The following CYFIP2 variants were observed in gnomAD, a reference collection of about 807,000 sequenced individuals.
CYFIP2 encodes the protein cytoplasmic FMR1-interacting protein 2.
CYFIP2 carries 29 observed loss-of-function variants against 158.7 expected under a neutral mutation model. The observed-to-expected ratio is 0.18, with a 90% confidence interval of 0.14 to 0.25. CYFIP2 has a LOEUF of 0.25. Among genes scored for constraint, CYFIP2 ranks in the 10% least tolerant of loss-of-function variants. The probability of loss-of-function intolerance (pLI) is 1.00; values close to 1 mark genes in which losing one functional copy is unlikely to be tolerated. For synonymous variants in CYFIP2, 585 were observed against 617.6 expected (o/e 0.95, Z 0.78); for missense variants, 852 against 1,639.5 (o/e 0.52, Z 8.29).
chr5:157,314,319 G>T, intron 11 of CYFIP2, 25 bp from the exon 12 acceptor site: 1 of 1,610,606 alleles, frequency 6.2e-7, no homozygotes, highest in South Asian at 1.1e-5. Context: ...CATAGACCAT[G>T]AGTATGACAC....
At chr5:157,365,848 C>G (rs77865954) in intron 26 of CYFIP2, among the ~76,000 whole-genome samples, 1 of 143,856 alleles carries the variant, frequency 7.0e-6, no homozygotes, top group Non-Finnish European at 1.5e-5. Flanking sequence ...TTTTTATTAC[C>G]GAATCAGTTA....
At chr5:157,278,225 G>A (rs1756717695) in intron 1 of CYFIP2, among the ~76,000 whole-genome samples, 2 of 151,944 alleles carry the variant, frequency 1.3e-5, no homozygotes, top group South Asian at 4.1e-4. Flanking sequence ...TGTGTGTGCA[G>A]TATGTTTGTG....
At chr5:157,337,987 A>G (rs189473243) in intron 21 of CYFIP2, among the ~76,000 whole-genome samples, 19 of 152,342 alleles carry the variant, frequency 1.2e-4, no homozygotes, top group Admixed American at 1.2e-3. Context: ...CCCTCTCTGA[A>G]TGAGGGACCA....
At chr5:157,271,399 G>A (rs1421752026) in intron 1 of CYFIP2, 1 of 152,280 alleles carries the variant, frequency 6.6e-6, no homozygotes, top group Non-Finnish European at 1.5e-5. Context: ...TGCTGTTGTG[G>A]TTTTTTTAGT....
At chr5:157,372,046 T>C (rs1765041540) in intron 26 of CYFIP2, among the ~76,000 whole-genome samples, 2 of 152,214 alleles carry the variant, frequency 1.3e-5, no homozygotes, top group African/African-American at 4.8e-5. Context: ...TCCTGGGAGT[T>C]CTCCAAGGAG....
At chr5:157,374,311 T>A (rs1765264826) in intron 26 of CYFIP2, among the ~76,000 whole-genome samples, 1 of 152,178 alleles carries the variant, frequency 6.6e-6, no homozygotes, top group Non-Finnish European at 1.5e-5. Context: ...ACATTTCACC[T>A]CTTTTTAAAT....
At chr5:157,380,997 C>T (rs1766001273) in intron 26 of CYFIP2, among the ~76,000 whole-genome samples, 1 of 152,152 alleles carries the variant, frequency 6.6e-6, no homozygotes, top group Non-Finnish European at 1.5e-5. Context: ...GGCAGATCAC[C>T]TGAGGTCAGG....
intron 1 of CYFIP2, among the ~76,000 whole-genome samples, chr5:157,274,492 G>A (rs1228041293): frequency 6.6e-6 from 1 of 152,048 alleles, no homozygotes; most frequent in Non-Finnish European, 1.5e-5. Context: ...GCATATGTTA[G>A]TTCTGCTTTT....
chr5:157,297,531 C>T (rs113631971), intron 5 of CYFIP2, among the ~76,000 whole-genome samples: 33 of 152,326 alleles, frequency 2.2e-4, no homozygotes, highest in African/African-American at 7.9e-4. Flanking sequence ...TCACAAATTG[C>T]AGCTACTGTT....
At chr5:157,358,932 G>C in intron 23 of CYFIP2, 73 bp from the exon 24 acceptor site, 2 of 1,588,910 alleles carry the variant, frequency 1.3e-6, no homozygotes, top group Non-Finnish European at 1.7e-6. Flanking sequence ...TCTGTCAGCA[G>C]AACATCTGCC....
chr5:157,382,771 T>G, intron 27 of CYFIP2, 109 bp downstream of exon 27: 1 of 1,115,100 alleles, frequency 9.0e-7, no homozygotes, highest in Non-Finnish European at 1.3e-6. Flanking sequence ...GGTTAAAGCT[T>G]TGGACACCTA....
chr5:157,372,820 C>T (rs1414789054), intron 26 of CYFIP2, among the ~76,000 whole-genome samples: 4 of 152,156 alleles, frequency 2.6e-5, no homozygotes, highest in African/African-American at 7.2e-5. Flanking sequence ...CCTTAGAGAA[C>T]ACCTCTGGCA....
intron 2 of CYFIP2, among the ~76,000 whole-genome samples, chr5:157,286,552 G>GTATATATATATATATATATA (rs34826918): frequency 7.2e-5 from 10 of 138,116 alleles, no homozygotes; most frequent in African/African-American, 2.7e-4. Flanking sequence ...GCTATTTTAT[G>GTATATATATATATATATATA]TATATATATA....
At chr5:157,307,992 T>G (rs1759387498) in intron 9 of CYFIP2, 127 bp downstream of exon 9, 2 of 610,248 alleles carry the variant, frequency 3.3e-6, no homozygotes, top group African/African-American at 3.7e-5. Flanking sequence ...GCTCCAAAGA[T>G]CCCAAGAGTA....
intron 30 of CYFIP2, among the ~76,000 whole-genome samples, chr5:157,391,161 A>G (rs1364879065): frequency 6.6e-6 from 1 of 152,082 alleles, no homozygotes; most frequent in Non-Finnish European, 1.5e-5. Context: ...CAAAGGTGGT[A>G]TGGGGCGGGT....
At chr5:157,339,286 G>A (rs925920018) in intron 22 of CYFIP2, 30 bp downstream of exon 22, 29 of 1,594,722 alleles carry the variant, frequency 1.8e-5, no homozygotes, top group Non-Finnish European at 2.5e-5. Context: ...GAGGGGGCCG[G>A]GTGGGGGTTG....
Position 157,305,998 on chromosome 5 carries a change from T to C in CYFIP2, c.795+1632T>C, listed in dbSNP as rs148286562. Among the ~76,000 whole-genome samples, 358 of 152,380 alleles carry C rather than the reference T, an allele frequency of 2.3e-3. 2 individuals are homozygous for C. Among genetic ancestry groups the C allele is most frequent in the African/African-American group, 8.1e-3 (337 of 41,590 alleles). On this transcript the variant is annotated intron_variant, in intron 8 of 30. Transcript: ENST00000620254. Reference sequence around the variant, plus strand: ...CCTTCCTTAGCCATTATTCCATTGTTAGCTTAGGTTGTCTCTAACTTATGC... The same window carrying C: ...CCTTCCTTAGCCATTATTCCATTGTCAGCTTAGGTTGTCTCTAACTTATGC...
chr5:157,343,191 G>T (rs1425548360), intron 23 of CYFIP2: 1 of 1,614,220 alleles, frequency 6.2e-7, no homozygotes, highest in Non-Finnish European at 8.5e-7. Context: ...ATGGCCATCA[G>T]CACCCAAAGG....
At chr5:157,351,032 G>A (rs1412599817) in intron 23 of CYFIP2, among the ~76,000 whole-genome samples, 1 of 151,956 alleles carries the variant, frequency 6.6e-6, no homozygotes, top group African/African-American at 2.4e-5. Context: ...TCACTTGGAT[G>A]CCCTTTATTT....
Sources: gnomAD v4.1 joint callset for allele counts (sites outside exome capture counted in the v4.1 genomes callset) on GRCh38, gnomAD v4.1.1 for gene constraint, MANE v1.5 for transcripts, NCBI Gene and HGNC (gene_info 2026-07-23, HGNC 2026-07-21) for gene names.